Variants in BLMH observed in about 807,000 individuals in gnomAD.
The protein encoded by BLMH is BLM hydrolase.
BLMH carries 32 observed loss-of-function variants against 61.6 expected under a neutral mutation model. The ratio of observed to expected loss-of-function variants is 0.52; its 90% CI spans 0.39 to 0.70. The LOEUF (loss-of-function observed/expected upper bound fraction) is 0.70, where lower values mean the gene tolerates loss of function less well. BLMH is among the 30% of genes least tolerant of loss of function. The probability of loss-of-function intolerance (pLI) is 0.00; values close to 1 mark genes in which losing one functional copy is unlikely to be tolerated. For synonymous variants in BLMH, 183 were observed against 193.8 expected (o/e 0.94, Z 0.46); for missense variants, 460 against 555.5 (o/e 0.83, Z 1.73).
chr17:30,258,468 T>C (rs1907873710), intron 11 of BLMH, among the ~76,000 whole-genome samples: 1 of 152,064 alleles, frequency 6.6e-6, no homozygotes, highest in Admixed American at 6.5e-5. Flanking sequence ...CCCTAGTAAA[T>C]ATACTAGGAA....
chr17:30,291,801 C>A lies in BLMH; in HGVS notation c.13+6G>T, dbSNP rs1908901671. On this transcript the variant is annotated splice_donor_region_variant and intron_variant, in intron 1 of 11. Coordinates refer to ENST00000261714, the MANE Select transcript of BLMH (RefSeq NM_000386.4). ...AGGACCGCGGCGGGGGACGGCGGCA[C>A]CTCACCCGAGCTGCTCATGGCGCCC... 11 of 1,399,820 alleles carry A rather than the reference C, an allele frequency of 7.9e-6. No individual in the cohort carries two copies. The highest frequency in any genetic ancestry group is 1.0e-5 in the Non-Finnish European group (11 of 1,081,372). The allele number at this position is 1,399,820 out of a possible 1,614,324, so 86.7% of individuals were successfully genotyped here. A position where few individuals can be genotyped will look rare whatever the true frequency, so the allele number is the denominator to read the frequency against.
At chr17:30,264,872 C>T (rs563730999) in intron 11 of BLMH, among the ~76,000 whole-genome samples, 2 of 152,354 alleles carry the variant, frequency 1.3e-5, no homozygotes, top group South Asian at 2.1e-4. Context: ...CATCTCTTAA[C>T]TATCACCAAC....
At chr17:30,287,756 GCTTA>G (rs1908771142) in intron 4 of BLMH, 46 bp downstream of exon 4, 3 of 1,601,476 alleles carry the variant, frequency 1.9e-6, no homozygotes, top group Admixed American at 1.7e-5. Flanking sequence ...CTAACTACAG[GCTTA>G]CTTAATCATG....
intron 3 of BLMH, chr17:30,288,187 TATTTTTAAA>T (rs1294338216): frequency 5.4e-6 from 2 of 372,066 alleles, no homozygotes; most frequent in Non-Finnish European, 4.9e-6. Context: ...CCATAATAAG[TATTTTTAAA>T]CTAAAATTGG....
intron 3 of BLMH, among the ~76,000 whole-genome samples, chr17:30,288,783 G>A (rs186677430): frequency 5.3e-5 from 8 of 152,188 alleles, no homozygotes; most frequent in South Asian, 4.2e-4. Flanking sequence ...TGACCAACAC[G>A]GTGAAATGCC....
Position 30,283,096 on chromosome 17 carries a change from A to C in BLMH, c.645+2292T>G, listed in dbSNP as rs904507882. The stretch of plus-strand genomic sequence containing the variant: ...AGCAGCATTTGAGCCCAGGAGTTGA[A>C]AGTTACAGTAAGCTATGACTGCGCC... On this transcript the variant is annotated intron_variant, in intron 6 of 11. Coordinates refer to ENST00000261714, the MANE Select transcript of BLMH (RefSeq NM_000386.4). 9.2e-5 allele frequency among the ~76,000 whole-genome samples: 14 copies of C among 152,292 alleles called. No homozygotes were observed. The South Asian group carries it at 2.1e-3, about 23-fold the overall frequency.
intron 1 of BLMH, 93 bp downstream of exon 1, chr17:30,291,714 A>C: frequency 7.1e-7 from 1 of 1,414,650 alleles, no homozygotes; most frequent in Non-Finnish European, 9.2e-7. Flanking sequence ...GCCATCGCCA[A>C]GGGTCCCAGC....
chr17:30,288,115 G>C, intron 3 of BLMH, 168 bp from the exon 4 acceptor site: 1 of 651,484 alleles, frequency 1.5e-6, no homozygotes, highest in Non-Finnish European at 2.4e-6. Context: ...TCCTTGTACA[G>C]AGGCCATGCT....
chr17:30,254,614 A>G (rs1907763938), intron 11 of BLMH, among the ~76,000 whole-genome samples: 1 of 152,246 alleles, frequency 6.6e-6, no homozygotes. Context: ...CATGAAAAAC[A>G]ATAAAAAATG....
intron 9 of BLMH, 188 bp from the exon 10 acceptor site, chr17:30,271,576 C>A: frequency 2.0e-6 from 1 of 497,860 alleles, no homozygotes. Context: ...AGTCCATTCT[C>A]TATGTGTCAC....
chr17:30,285,597 G>A, intron 5 of BLMH, 117 bp from the exon 6 acceptor site: 1 of 621,310 alleles, frequency 1.6e-6, no homozygotes. Flanking sequence ...CCATGACAGA[G>A]TTCATAAAGG....
intron 11 of BLMH, among the ~76,000 whole-genome samples, chr17:30,262,750 G>A (rs189680772): frequency 7.9e-5 from 12 of 152,202 alleles, no homozygotes; most frequent in East Asian, 7.7e-4. Context: ...AGCTGAGATC[G>A]CGCCACCGCA....
intron 11 of BLMH, among the ~76,000 whole-genome samples, chr17:30,261,760 T>C (rs1039519990): frequency 5.9e-5 from 9 of 152,212 alleles, no homozygotes; most frequent in Non-Finnish European, 1.3e-4. Flanking sequence ...CTTGTGGCAG[T>C]TGGGCTGGTG....
intron 3 of BLMH, 95 bp downstream of exon 3, chr17:30,289,278 G>C: frequency 3.1e-6 from 2 of 652,242 alleles, no homozygotes; most frequent in Non-Finnish European, 4.8e-6. Context: ...TATTATGAAA[G>C]GGCAGGCTAT....
At chr17:30,291,258 T>C in intron 2 of BLMH, 53 bp downstream of exon 2, 2 of 1,577,192 alleles carry the variant, frequency 1.3e-6, no homozygotes, top group Non-Finnish European at 8.6e-7. Flanking sequence ...GACACCAAAA[T>C]GGGACGCTGT....
chr17:30,270,648 G>C (rs1472837014), intron 10 of BLMH, among the ~76,000 whole-genome samples: 2 of 152,166 alleles, frequency 1.3e-5, no homozygotes, highest in African/African-American at 4.8e-5. Context: ...TGATGATCCT[G>C]AGCACAGAGG....
Position 30,291,892 on chromosome 17 carries a change from C to G in BLMH, c.-73G>C. On this transcript the variant is annotated 5_prime_UTR_variant, in exon 1 of 12. Transcript: ENST00000261714. ...GGCGAGCGCCGGGATTGCGCTGCGG[C>G]TCGCTGCCTAGGGGGCCCGACCTGT... is the stretch of plus-strand genomic sequence containing the variant. 1 of 1,272,040 alleles carries G rather than the reference C, an allele frequency of 7.9e-7. No individual in the cohort carries two copies. The allele number at this position is 1,272,040 out of a possible 1,614,324, so 78.8% of individuals were successfully genotyped here.
chr17:30,289,583 T>C (rs1908827966), intron 2 of BLMH, 101 bp from the exon 3 acceptor site: 1 of 649,486 alleles, frequency 1.5e-6, no homozygotes, highest in Admixed American at 3.8e-5. Flanking sequence ...ATCTGGACAA[T>C]TCAGAAAGAG....
intron 6 of BLMH, among the ~76,000 whole-genome samples, chr17:30,282,884 A>G (rs1452721567): frequency 6.6e-6 from 1 of 152,242 alleles, no homozygotes; most frequent in African/African-American, 2.4e-5. Context: ...ACACAGGGCC[A>G]GGTATGGCGG....
Sources: gnomAD v4.1 joint callset for allele counts (sites outside exome capture counted in the v4.1 genomes callset) on GRCh38, gnomAD v4.1.1 for gene constraint, MANE v1.5 for transcripts, NCBI Gene and HGNC (gene_info 2026-07-23, HGNC 2026-07-21) for gene names.